STEAP4: variants seen among roughly 807,000 people sequenced by gnomAD.
The protein encoded by STEAP4 is STEAP4 metalloreductase, also known as metalloreductase STEAP4.
In STEAP4, 36 loss-of-function variants were observed where a neutral mutation model predicts 43.6. That is an observed-to-expected ratio of 0.83 (90% CI 0.63 to 1.09). The LOEUF (loss-of-function observed/expected upper bound fraction) is 1.09. Ranked by LOEUF, STEAP4 falls within the 50% of genes least tolerant of loss-of-function variation. STEAP4 has a pLI of 0.00. For missense variants in STEAP4, 495 were observed against 546.5 expected, an observed-to-expected ratio of 0.91 and a Z score of 0.94; for synonymous variants, 191 against 196.7, an observed-to-expected ratio of 0.97 and a Z score of 0.24.
chr7:88,280,799 A>G, intron 4 of STEAP4, 116 bp downstream of exon 4: 4 of 1,075,254 alleles, frequency 3.7e-6, no homozygotes, highest in Non-Finnish European at 5.3e-6. Context: ...TCAAATCATT[A>G]TGGATTCTGC....
In STEAP4 at chr7:88,282,817, G is replaced by A. The variant is rs1421230253; in HGVS notation, c.808C>T (p.Leu270=). The change falls in exon 3 of 5, where the codon CTG becomes TTG. Residue 270 remains leucine, a synonymous_variant. Transcript: ENST00000380079. Reference sequence around the variant, plus strand: ...CGACGGTATTTTGTGCCTCGGTACAGTTGTAGAATGGCAGCAATAACACCA... The same window carrying A: ...CGACGGTATTTTGTGCCTCGGTACAATTGTAGAATGGCAGCAATAACACCA... The part of the protein sequence containing the change: ...LPGVIAAILQ[L]YRGTKYRRFP... 1 of 1,614,206 alleles carries A rather than the reference G, an allele frequency of 6.2e-7. No homozygotes were observed. The highest frequency in any genetic ancestry group is 8.5e-7 in the Non-Finnish European group (1 of 1,180,040).
intron 1 of STEAP4, chr7:88,290,423 G>C (rs1852816579): frequency 6.6e-6 from 1 of 152,106 alleles, no homozygotes; most frequent in Admixed American, 6.6e-5. Context: ...ACCATGAACA[G>C]GTACTGGAGA....
At chr7:88,304,566 G>GA (rs1482937655) in intron 1 of STEAP4, among the ~76,000 whole-genome samples, 3 of 151,934 alleles carry the variant, frequency 2.0e-5, no homozygotes, top group Non-Finnish European at 4.4e-5. Context: ...GGACAACCCA[G>GA]AAAAAACTAG....
At chr7:88,283,417 C>G (rs760121964) in intron 2 of STEAP4, 1 of 498,250 alleles carries the variant, frequency 2.0e-6, no homozygotes, top group Non-Finnish European at 3.5e-6. Flanking sequence ...AGACATGGTT[C>G]TCCACACTGT....
At position 88,283,164 on chromosome 7, in the gene STEAP4, A is replaced by G; in HGVS notation, c.461T>C (p.Phe154Ser). 2 of 1,535,528 alleles carry G rather than the reference A, an allele frequency of 1.3e-6. No individual in the cohort carries two copies. Among genetic ancestry groups the G allele is most frequent in the South Asian group, 2.6e-5 (2 of 76,370 alleles). Residue 154 changes from phenylalanine (F) to serine (S), a missense_variant, in exon 3 of 5, where the codon TTT (phenylalanine) becomes TCT (serine). By Grantham distance (155) the Phe-to-Ser change is radical. Transcript: ENST00000380079. Reference protein sequence around the residue: ...SGALDASRQVFVCGNDSKAKQ... With the variant: ...SGALDASRQVSVCGNDSKAKQ... ...GGCTTTGCTGTCATTTCCACACACA[A>G]ACACCTAGTTTAAAAACAGTTAATT...
rs188713258 is a variant in STEAP4 at position 88,304,658 on chromosome 7, G to C, written c.-3+2134C>G. The stretch of plus-strand genomic sequence containing the variant: ...GCTGCTGTTGTGTGTGTGTGTGTGT[G>C]TGTGTGTGTTTGCTAGCAACTTATC... On this transcript the variant is annotated intron_variant, in intron 1 of 4. Coordinates refer to ENST00000380079, the MANE Select transcript of STEAP4 (RefSeq NM_024636.4). 3.9e-4 allele frequency among the ~76,000 whole-genome samples: 60 copies of C among 152,014 alleles called. 1 individual carries two copies. The highest frequency in any genetic ancestry group is 1.0e-3 in the South Asian group (5 of 4,820).
In STEAP4 at chr7:88,306,833, A is replaced by G. The variant is rs1365963048; in HGVS notation, c.-44T>C. 1 of 152,406 alleles carries G rather than the reference A, an allele frequency of 6.6e-6. No individual in the cohort carries two copies. The highest frequency in any genetic ancestry group is 1.5e-5 in the Non-Finnish European group (1 of 68,218). 9.4% of individuals were successfully genotyped at this position (152,406 alleles called of 1,614,324 possible). A position where few individuals can be genotyped will look rare whatever the true frequency, so the allele number is the denominator to read the frequency against. ...TCCAAGGAGGAAGCGTCCAGCGCCA[A>G]CGGTGCGCGCCGCGGGCCGGGCGGG... On this transcript the variant is annotated 5_prime_UTR_variant, in exon 1 of 5. Transcript: ENST00000380079.
chr7:88,286,328 T>C (rs1852733722), intron 1 of STEAP4, among the ~76,000 whole-genome samples: 1 of 152,228 alleles, frequency 6.6e-6, no homozygotes, highest in Admixed American at 6.5e-5. Context: ...TTTATATGAG[T>C]ATAACTCAAA....
At chr7:88,303,211 T>TACG (rs1853069770) in intron 1 of STEAP4, among the ~76,000 whole-genome samples, 1 of 105,666 alleles carries the variant, frequency 9.5e-6, no homozygotes, top group African/African-American at 3.1e-5. Context: ...AAAAAAAAAC[T>TACG]CCAACCGGGC....
At chr7:88,284,432 T>C (rs1253863695) in intron 1 of STEAP4, among the ~76,000 whole-genome samples, 161 bp from the exon 2 acceptor site, 3 of 152,208 alleles carry the variant, frequency 2.0e-5, no homozygotes, top group African/African-American at 7.2e-5. Flanking sequence ...TTGTCATATA[T>C]ATTTCCCCCC....
intron 1 of STEAP4, among the ~76,000 whole-genome samples, chr7:88,294,521 C>T (rs55792734): frequency 6.6e-6 from 1 of 152,006 alleles, no homozygotes; most frequent in Admixed American, 6.6e-5. Context: ...ATGCATAGAT[C>T]TCATTTAAAT....
At chr7:88,286,764 A>AAC (rs61360123) in intron 1 of STEAP4, among the ~76,000 whole-genome samples, 27,366 of 133,546 alleles carry the variant, frequency 0.2, 2,699 homozygotes, top group East Asian at 0.35. Flanking sequence ...CATACATATA[A>AAC]ACACACACAC....
intron 1 of STEAP4, among the ~76,000 whole-genome samples, chr7:88,289,059 C>CGT (rs749630467): frequency 2.1e-5 from 3 of 143,500 alleles, no homozygotes; most frequent in Non-Finnish European, 3.1e-5. Flanking sequence ...TGCATGCATG[C>CGT]GCGTGTGTGT....
chr7:88,283,916 T>C lies in STEAP4; in HGVS notation c.354A>G (p.Ala118=). Reference sequence around the variant, plus strand: ...CTGGCACCAAATGAGCAAGGTACTCTGCATTAGATTCTGGATATTGATTGA... The same window carrying C: ...CTGGCACCAAATGAGCAAGGTACTCCGCATTAGATTCTGGATATTGATTGA... The part of the protein sequence containing the change: ...LKINQYPESN[A]EYLAHLVPGA... The change falls in exon 2 of 5, where the codon GCA becomes GCG. Residue 118 remains alanine, a synonymous_variant. Coordinates refer to ENST00000380079, the MANE Select transcript of STEAP4 (RefSeq NM_024636.4). 1 of 1,614,208 alleles carries C rather than the reference T, an allele frequency of 6.2e-7. No individual in the cohort carries two copies. Among genetic ancestry groups the C allele is most frequent in the Non-Finnish European group, 8.5e-7 (1 of 1,180,034 alleles).
chr7:88,300,998 G>A (rs1447209082), intron 1 of STEAP4, among the ~76,000 whole-genome samples: 1 of 152,022 alleles, frequency 6.6e-6, no homozygotes, highest in Non-Finnish European at 1.5e-5. Flanking sequence ...TAGACTCTTG[G>A]TTCCCTAAGG....
intron 1 of STEAP4, among the ~76,000 whole-genome samples, chr7:88,294,563 T>C (rs1238447810): frequency 1.3e-5 from 2 of 152,162 alleles, no homozygotes; most frequent in Admixed American, 1.3e-4. Flanking sequence ...AAGGTCTTTG[T>C]GTGTAAGCAG....
chr7:88,276,548 T>C lies in STEAP4; in HGVS notation c.*2850A>G, dbSNP rs921286079. 6.6e-6 allele frequency: 1 copy of C among 152,184 alleles called. No individual in the cohort carries two copies. The highest frequency in any genetic ancestry group is 2.4e-5 in the African/African-American group (1 of 41,446). 9.4% of individuals were successfully genotyped at this position (152,184 alleles called of 1,614,324 possible). A position where few individuals can be genotyped will look rare whatever the true frequency, so the allele number is the denominator to read the frequency against. The stretch of plus-strand genomic sequence containing the variant: ...ATTTTTCTAGAATACAGGAAACATA[T>C]CAGCAGTAAAGAAGTTTAGTTTAAC... On this transcript the variant is annotated 3_prime_UTR_variant, in exon 5 of 5. Transcript: ENST00000380079.
chr7:88,302,692 G>A (rs1328570286), intron 1 of STEAP4, among the ~76,000 whole-genome samples: 1 of 151,702 alleles, frequency 6.6e-6, no homozygotes, highest in Non-Finnish European at 1.5e-5. Context: ...GGTCACTCAC[G>A]CCTGTAATCC....
chr7:88,292,272 AG>A (rs1418887813), intron 1 of STEAP4: 1 of 152,154 alleles, frequency 6.6e-6, no homozygotes, highest in East Asian at 1.9e-4. Context: ...TGTTAGAGCC[AG>A]CCTGGCTGGT....
Sources: gnomAD v4.1 joint callset for allele counts (sites outside exome capture counted in the v4.1 genomes callset) on GRCh38, gnomAD v4.1.1 for gene constraint, MANE v1.5 for transcripts, NCBI Gene and HGNC (gene_info 2026-07-23, HGNC 2026-07-21) for gene names.